The following WWP2 variants were observed in gnomAD, a reference collection of about 807,000 sequenced individuals.
WWP2 encodes NEDD4-like E3 ubiquitin-protein ligase WWP2.
WWP2 carries 57 observed loss-of-function variants against 121.0 expected under a neutral mutation model. The observed-to-expected ratio is 0.47, with a 90% CI of 0.38 to 0.59. WWP2 has a LOEUF of 0.59. WWP2 is among the 20% of genes least tolerant of loss of function. WWP2 has a pLI of 0.00. For synonymous variants in WWP2, 449 were observed against 441.3 expected, an observed-to-expected ratio of 1.02 and a Z score of -0.22; for missense variants, 962 against 1,158.9, an observed-to-expected ratio of 0.83 and a Z score of 2.47.
At chr16:69,767,763 G>A (rs950966882) in intron 1 of WWP2, among the ~76,000 whole-genome samples, 1 of 152,096 alleles carries the variant, frequency 6.6e-6, no homozygotes, top group Non-Finnish European at 1.5e-5. Flanking sequence ...CCTACCTGAG[G>A]CCCCTTCCTC....
intron 9 of WWP2, chr16:69,909,321 G>T: frequency 1.0e-6 from 1 of 987,652 alleles, no homozygotes; most frequent in Non-Finnish European, 1.2e-6. Flanking sequence ...TTCAAAAGGG[G>T]ATGTATTCTG....
chr16:69,849,044 T>A (rs572183665), intron 6 of WWP2, among the ~76,000 whole-genome samples: 1 of 152,352 alleles, frequency 6.6e-6, no homozygotes, highest in East Asian at 1.9e-4. Flanking sequence ...AGATCTGTAA[T>A]CTCGGAGACT....
At chr16:69,852,910 T>A (rs8050414) in intron 6 of WWP2, among the ~76,000 whole-genome samples, 103,498 of 152,092 alleles carry the variant, frequency 0.68, 36,868 homozygotes, top group East Asian at 0.9. Flanking sequence ...AACAGAGATC[T>A]TATGGTCAGC....
chr16:69,920,331 T>C (rs570924355), intron 10 of WWP2, among the ~76,000 whole-genome samples: 2 of 152,282 alleles, frequency 1.3e-5, no homozygotes, highest in Admixed American at 6.5e-5. Flanking sequence ...CTCTGCACAC[T>C]TTCTTGGGCT....
At chr16:69,868,661 G>GCA (rs57674223) in intron 6 of WWP2, among the ~76,000 whole-genome samples, 8,674 of 149,246 alleles carry the variant, frequency 0.058, 290 homozygotes, top group Non-Finnish European at 0.084. Context: ...ATACACATGT[G>GCA]CACACACACA....
chr16:69,890,151 G>A (rs1269008639), intron 8 of WWP2, among the ~76,000 whole-genome samples: 3 of 150,506 alleles, frequency 2.0e-5, no homozygotes, highest in Non-Finnish European at 4.4e-5. Context: ...TAGAGACAGG[G>A]TTTTGCCATG....
intron 1 of WWP2, among the ~76,000 whole-genome samples, chr16:69,785,772 A>G (rs1172096032): frequency 1.3e-5 from 2 of 151,530 alleles, no homozygotes; most frequent in Non-Finnish European, 2.9e-5. Flanking sequence ...GATTACAGGC[A>G]CCCACTACCA....
At chr16:69,811,581 C>G (rs995605960) in intron 4 of WWP2, among the ~76,000 whole-genome samples, 1 of 151,894 alleles carries the variant, frequency 6.6e-6, no homozygotes, top group African/African-American at 2.4e-5. Flanking sequence ...GACACAGTCT[C>G]TACAAAAATA....
chr16:69,779,907 G>C (rs1439706609), intron 1 of WWP2, among the ~76,000 whole-genome samples: 4 of 152,100 alleles, frequency 2.6e-5, no homozygotes, highest in Admixed American at 1.3e-4. Flanking sequence ...TTATGAAAGA[G>C]ATCAAACATA....
chr16:69,831,117 C>T (rs1309921233), intron 4 of WWP2, among the ~76,000 whole-genome samples: 1 of 152,188 alleles, frequency 6.6e-6, no homozygotes, highest in Admixed American at 6.5e-5. Flanking sequence ...CCAAATCAGT[C>T]ACATCTTCAT....
intron 10 of WWP2, among the ~76,000 whole-genome samples, chr16:69,921,998 C>T (rs999493309): frequency 1.2e-4 from 18 of 149,434 alleles, no homozygotes; most frequent in African/African-American, 3.7e-4. Flanking sequence ...CGCTTGAACT[C>T]GGGAGGCAGA....
intron 7 of WWP2, among the ~76,000 whole-genome samples, chr16:69,882,834 T>C (rs959091060): frequency 1.3e-5 from 2 of 152,066 alleles, no homozygotes; most frequent in Non-Finnish European, 2.9e-5. Context: ...TTAGAGAACA[T>C]TGGCTATATT....
At chr16:69,876,382 T>C (rs752322418) in intron 7 of WWP2, among the ~76,000 whole-genome samples, 16 of 151,838 alleles carry the variant, frequency 1.1e-4, no homozygotes, top group Non-Finnish European at 1.9e-4. Context: ...TTTTTGTTTT[T>C]GAGATGCAGT....
intron 9 of WWP2, among the ~76,000 whole-genome samples, chr16:69,917,330 C>T (rs769604648): frequency 2.0e-5 from 3 of 152,212 alleles, no homozygotes; most frequent in Admixed American, 6.5e-5. Flanking sequence ...GGACCACATG[C>T]TTCCTCAGTC....
chr16:69,867,040 T>C (rs1254461922), intron 6 of WWP2, among the ~76,000 whole-genome samples: 1 of 151,946 alleles, frequency 6.6e-6, no homozygotes, highest in Non-Finnish European at 1.5e-5. Flanking sequence ...TTTGCCATGT[T>C]GGCCAGGCTG....
At chr16:69,875,543 TTC>T (rs1439898288) in intron 7 of WWP2, among the ~76,000 whole-genome samples, 1 of 152,206 alleles carries the variant, frequency 6.6e-6, no homozygotes, top group East Asian at 1.9e-4. Flanking sequence ...TTGCAGTCAA[TTC>T]TCTCAAACTT....
At chr16:69,823,605 T>C (rs1489880978) in intron 4 of WWP2, among the ~76,000 whole-genome samples, 1 of 152,006 alleles carries the variant, frequency 6.6e-6, no homozygotes, top group Non-Finnish European at 1.5e-5. Flanking sequence ...GTAGCTGGGA[T>C]TACAGGTGTG....
intron 6 of WWP2, among the ~76,000 whole-genome samples, chr16:69,847,322 C>A (rs1002691229): frequency 2.0e-5 from 3 of 151,596 alleles, no homozygotes; most frequent in Non-Finnish European, 4.4e-5. Flanking sequence ...TGACTTCAGG[C>A]GATCCACGCA....
At chr16:69,823,798 T>C (rs2056635053) in intron 4 of WWP2, among the ~76,000 whole-genome samples, 1 of 152,216 alleles carries the variant, frequency 6.6e-6, no homozygotes, top group Admixed American at 6.5e-5. Context: ...CACCTTGTCT[T>C]CAGAAGAAAC....
Sources: allele counts gnomAD v4.1 joint callset (sites outside exome capture counted in the v4.1 genomes callset), GRCh38; gene constraint gnomAD v4.1.1; transcripts MANE v1.5; gene names NCBI Gene and HGNC (gene_info 2026-07-23, HGNC 2026-07-21).